DGKI: variants seen among roughly 807,000 people sequenced by gnomAD.
DGKI encodes the protein diacylglycerol kinase iota.
In DGKI, 55 loss-of-function variants were observed where a neutral mutation model predicts 147.5. That is an observed-to-expected ratio of 0.37 (90% CI 0.30 to 0.47). The LOEUF (loss-of-function observed/expected upper bound fraction) is 0.47. DGKI is among the 20% of genes least tolerant of loss of function. The pLI is 1.00. For synonymous variants in DGKI, 469 were observed against 477.1 expected (o/e 0.98, Z 0.22); for missense variants, 1,007 against 1,323.8 (o/e 0.76, Z 3.71).
intron 29 of DGKI, among the ~76,000 whole-genome samples, chr7:137,411,486 C>T (rs751918805): frequency 6.6e-6 from 1 of 151,996 alleles, no homozygotes; most frequent in South Asian, 2.1e-4. Context: ...TTCCTCATGA[C>T]AAGCCAAAGA....
intron 1 of DGKI, among the ~76,000 whole-genome samples, chr7:137,719,054 C>T (rs1317700939): frequency 6.6e-6 from 1 of 152,174 alleles, no homozygotes; most frequent in African/African-American, 2.4e-5. Context: ...CTGATTATCT[C>T]ATACCCACCT....
At chr7:137,611,315 T>G (rs559658966) in intron 8 of DGKI, among the ~76,000 whole-genome samples, 4 of 152,298 alleles carry the variant, frequency 2.6e-5, no homozygotes, top group African/African-American at 9.6e-5. Context: ...CTCTACACAT[T>G]GGCATCACCC....
At chr7:137,523,642 T>C (rs114964516) in intron 20 of DGKI, among the ~76,000 whole-genome samples, 1 of 152,286 alleles carries the variant, frequency 6.6e-6, no homozygotes, top group African/African-American at 2.4e-5. Flanking sequence ...TCAACAGCTA[T>C]ACCGATCCAT....
chr7:137,499,004 G>A (rs1816073944), intron 21 of DGKI, among the ~76,000 whole-genome samples: 1 of 152,142 alleles, frequency 6.6e-6, no homozygotes, highest in Admixed American at 6.5e-5. Context: ...TGCACTCTCA[G>A]AAAAACTGAA....
chr7:137,417,460 A>T (rs1291129998), intron 28 of DGKI, among the ~76,000 whole-genome samples: 7 of 152,178 alleles, frequency 4.6e-5, no homozygotes. Flanking sequence ...GAAAACTGGG[A>T]CTGAGAAGTC....
intron 30 of DGKI, among the ~76,000 whole-genome samples, chr7:137,400,479 A>G (rs1287479761): frequency 6.6e-6 from 1 of 152,200 alleles, no homozygotes; most frequent in African/African-American, 2.4e-5. Flanking sequence ...TATGCAAGTG[A>G]GGGGATCCTC....
chr7:137,603,084 T>C (rs977905053), intron 10 of DGKI, among the ~76,000 whole-genome samples: 4 of 152,152 alleles, frequency 2.6e-5, no homozygotes, highest in African/African-American at 9.7e-5. Context: ...AAAAAGTGAC[T>C]GGATTGAACA....
chr7:137,791,736 A>G (rs1045827911), intron 1 of DGKI, among the ~76,000 whole-genome samples: 3 of 152,216 alleles, frequency 2.0e-5, no homozygotes, highest in Non-Finnish European at 2.9e-5. Flanking sequence ...ACATGGTGAC[A>G]GTGGTGGAAG....
At chr7:137,845,033 T>C (rs1798668805) in intron 1 of DGKI, among the ~76,000 whole-genome samples, 1 of 152,154 alleles carries the variant, frequency 6.6e-6, no homozygotes, top group African/African-American at 2.4e-5. Flanking sequence ...CTCCCCACCA[T>C]CTGTCTATTT....
intron 1 of DGKI, chr7:137,722,861 A>C (rs1030214319): frequency 1.0e-6 from 1 of 1,004,654 alleles, no homozygotes; most frequent in Non-Finnish European, 1.5e-6. Flanking sequence ...TAAATGTCTT[A>C]AGAACTTAAT....
intron 29 of DGKI, among the ~76,000 whole-genome samples, chr7:137,408,765 G>A (rs1812056624): frequency 6.6e-6 from 1 of 151,868 alleles, no homozygotes; most frequent in Non-Finnish European, 1.5e-5. Context: ...GGCTACATGA[G>A]GATATGGTCT....
At chr7:137,473,287 G>A (rs1181741388) in intron 23 of DGKI, among the ~76,000 whole-genome samples, 1 of 152,042 alleles carries the variant, frequency 6.6e-6, no homozygotes, top group African/African-American at 2.4e-5. Context: ...AAGAGGTTTC[G>A]TCTAAAGATA....
At chr7:137,407,804 A>T in intron 30 of DGKI, 71 bp downstream of exon 30, 1 of 1,578,560 alleles carries the variant, frequency 6.3e-7, no homozygotes, top group Non-Finnish European at 8.6e-7. Context: ...ATGAAGGGTA[A>T]CTTAGAAAAT....
In DGKI at chr7:137,407,904, C is replaced by T; in HGVS notation, c.2891G>A (p.Gly964Glu). 1 of 1,614,096 alleles carries T rather than the reference C, an allele frequency of 6.2e-7. No individual in the cohort carries two copies. The highest frequency in any genetic ancestry group is 8.5e-7 in the Non-Finnish European group (1 of 1,179,958). The part of the protein sequence containing the change: ...LLHYAAKTGN[G>E]EIVKYILDHG... ...GTCAAGGATATATTTCACAATCTCC[C>T]CGTTGCCGGTTTTAGCTGCGTAGTG... The change falls in exon 30 of 33, where the codon GGG becomes GAG. Residue 964 changes from glycine to glutamate, a missense_variant. This residue lies in a region of DGKI where 385 missense variants were observed against 445.2 expected (regional missense o/e 0.86). Coordinates refer to ENST00000614521, the MANE Select transcript of DGKI (RefSeq NM_001321708.2).
intron 32 of DGKI, 127 bp from the exon 33 acceptor site, chr7:137,391,463 G>C (rs371221995): frequency 1.4e-4 from 86 of 636,430 alleles, no homozygotes; most frequent in African/African-American, 1.3e-3. Flanking sequence ...AAGGATACCT[G>C]CTAGTAAGGA....
At chr7:137,655,913 C>A (rs141530661) in intron 4 of DGKI, among the ~76,000 whole-genome samples, 143 of 152,280 alleles carry the variant, frequency 9.4e-4, no homozygotes, top group African/African-American at 3.4e-3. Context: ...ATGGACTTTG[C>A]CGAATCCACT....
At chr7:137,512,552 A>G (rs1816614556) in intron 21 of DGKI, among the ~76,000 whole-genome samples, 1 of 152,226 alleles carries the variant, frequency 6.6e-6, no homozygotes, top group African/African-American at 2.4e-5. Flanking sequence ...GTCTATAAAT[A>G]GTAAGAGTTG....
At chr7:137,559,713 GA>G (rs555310214) in intron 19 of DGKI, among the ~76,000 whole-genome samples, 86 of 141,402 alleles carry the variant, frequency 6.1e-4, no homozygotes, top group East Asian at 1.7e-3. Context: ...TGAGAAGCAG[GA>G]AAAAAAAAAA....
chr7:137,731,003 A>G (rs1300006825), intron 1 of DGKI, among the ~76,000 whole-genome samples: 2 of 152,088 alleles, frequency 1.3e-5, no homozygotes, highest in Non-Finnish European at 2.9e-5. Context: ...GATGGCCACA[A>G]GCAAAAGCTC....
Sources: allele counts gnomAD v4.1 joint callset (sites outside exome capture counted in the v4.1 genomes callset), GRCh38; gene constraint gnomAD v4.1.1; regional missense constraint gnomAD v4.1.1; transcripts MANE v1.5; gene names NCBI Gene and HGNC (gene_info 2026-07-23, HGNC 2026-07-21).